SLC26A7: variants seen among roughly 807,000 people sequenced by gnomAD.
SLC26A7 encodes solute carrier family 26 member 7.
In SLC26A7, 59 loss-of-function variants were observed where a neutral mutation model predicts 82.5. The ratio of observed to expected loss-of-function variants is 0.72; its 90% CI spans 0.58 to 0.89. The LOEUF (loss-of-function observed/expected upper bound fraction) is 0.89, where lower values mean the gene tolerates loss of function less well. SLC26A7 is among the 40% of genes least tolerant of loss of function. The pLI is 0.00. For synonymous variants in SLC26A7, 271 were observed against 274.3 expected (o/e 0.99, Z 0.12); for missense variants, 820 against 793.0 (o/e 1.03, Z -0.41).
At chr8:91,273,837 C>T (rs540925239) in intron 2 of SLC26A7, among the ~76,000 whole-genome samples, 59 of 152,226 alleles carry the variant, frequency 3.9e-4, no homozygotes, top group African/African-American at 1.3e-3. Context: ...CATTAATTAT[C>T]CTATAAATTG....
chr8:91,305,626 T>C (rs1160688904), intron 4 of SLC26A7, among the ~76,000 whole-genome samples: 1 of 151,132 alleles, frequency 6.6e-6, no homozygotes, highest in Non-Finnish European at 1.5e-5. Flanking sequence ...CATCAGAGGC[T>C]AGTTTCTTCT....
At chr8:91,279,850 G>A (rs575732166) in intron 2 of SLC26A7, among the ~76,000 whole-genome samples, 5 of 152,266 alleles carry the variant, frequency 3.3e-5, no homozygotes, top group East Asian at 3.9e-4. Context: ...GAGCCACCGC[G>A]CCCAGCCGTG....
In SLC26A7 at chr8:91,311,275, A is replaced by G. The variant is rs186203541; in HGVS notation, c.478-6941A>G. ...AGCCTGTCTGAAAAGACTACATATT[A>G]TATGATTCCATTTAAATAACCTTCT... On this transcript the variant is annotated intron_variant, in intron 4 of 18. Coordinates refer to ENST00000276609, the MANE Select transcript of SLC26A7 (RefSeq NM_052832.4). Among the ~76,000 whole-genome samples, 518 of 152,292 alleles carry G rather than the reference A, an allele frequency of 3.4e-3. 2 individuals carry two copies. Among genetic ancestry groups the G allele is most frequent in the African/African-American group, 0.012 (507 of 41,568 alleles).
intron 11 of SLC26A7, 21 bp from the exon 12 acceptor site, chr8:91,362,332 T>C: frequency 6.3e-7 from 1 of 1,576,812 alleles, no homozygotes; most frequent in South Asian, 1.1e-5. Flanking sequence ...TCACAACTTC[T>C]GTTTCTTGTT....
intron 2 of SLC26A7, among the ~76,000 whole-genome samples, chr8:91,255,950 A>G (rs1810789692): frequency 6.6e-6 from 1 of 152,132 alleles, no homozygotes; most frequent in Non-Finnish European, 1.5e-5. Context: ...GCTATGAACC[A>G]TCCCTGCTCT....
intron 2 of SLC26A7, among the ~76,000 whole-genome samples, chr8:91,275,337 T>C (rs1197722255): frequency 6.6e-6 from 1 of 152,186 alleles, no homozygotes; most frequent in East Asian, 1.9e-4. Context: ...CTTGCTTTGT[T>C]GCCCAGGCTG....
chr8:91,236,443 C>G (rs1373993794), intron 2 of SLC26A7, among the ~76,000 whole-genome samples: 1 of 152,098 alleles, frequency 6.6e-6, no homozygotes. Context: ...ATACCCAATG[C>G]CCTCATGTTG....
At chr8:91,364,886 T>G (rs1814147830) in intron 13 of SLC26A7, among the ~76,000 whole-genome samples, 1 of 152,236 alleles carries the variant, frequency 6.6e-6, no homozygotes, top group Admixed American at 6.5e-5. Flanking sequence ...ATTTTAATTT[T>G]ACTATAATAT....
intron 4 of SLC26A7, among the ~76,000 whole-genome samples, chr8:91,310,915 CT>C (rs889030447): frequency 2.5e-4 from 38 of 150,104 alleles, no homozygotes; most frequent in Admixed American, 8.6e-4. Context: ...GTGCACTTTA[CT>C]TTTTTTTTTC....
Position 91,389,688 on chromosome 8 carries a change from C to T in SLC26A7, c.1776+250C>T, listed in dbSNP as rs527827281. ...ATTTGCATGGGGTAGTCAGAGAGAA[C>T]AGTACATAGACTTGAGATACAGTGG... On this transcript the variant is annotated intron_variant, in intron 16 of 18. Transcript: ENST00000276609. Among the ~76,000 whole-genome samples, 71 of 152,258 alleles carry T rather than the reference C, an allele frequency of 4.7e-4. 1 individual carries two copies. Among genetic ancestry groups the T allele is most frequent in the Admixed American group, 1.6e-3 (24 of 15,282 alleles).
chr8:91,380,257 T>C (rs1814632562), intron 15 of SLC26A7, among the ~76,000 whole-genome samples: 1 of 152,124 alleles, frequency 6.6e-6, no homozygotes, highest in Non-Finnish European at 1.5e-5. Flanking sequence ...GGCAGTGTTT[T>C]ATATTTTGAA....
chr8:91,286,128 A>C (rs1012165695), intron 2 of SLC26A7, among the ~76,000 whole-genome samples: 10 of 152,182 alleles, frequency 6.6e-5, no homozygotes, highest in Non-Finnish European at 1.5e-4. Flanking sequence ...TGAGCTACTT[A>C]CATGCTTTCA....
intron 2 of SLC26A7, among the ~76,000 whole-genome samples, chr8:91,256,293 A>C (rs1402506957): frequency 1.3e-5 from 2 of 152,108 alleles, no homozygotes; most frequent in African/African-American, 4.8e-5. Flanking sequence ...ATCTAGCCAT[A>C]GTTATTGGAC....
rs112995413 is a variant in SLC26A7 at position 91,331,080 on chromosome 8, T to C, written c.643-3215T>C. ...TACAAGGTGCATGTCTGTGTTCTAATCTCTTCTCAGTCATTTTGGATTAGG... is the reference window on the plus strand; with the variant it reads ...TACAAGGTGCATGTCTGTGTTCTAACCTCTTCTCAGTCATTTTGGATTAGG... On this transcript the variant is annotated intron_variant, in intron 5 of 18. Coordinates refer to ENST00000276609, the MANE Select transcript of SLC26A7 (RefSeq NM_052832.4). Among the ~76,000 whole-genome samples, 223 of 152,130 alleles carry C rather than the reference T, an allele frequency of 1.5e-3. 2 individuals are homozygous for C. The highest frequency in any genetic ancestry group is 5.3e-3 in the African/African-American group (220 of 41,528).
chr8:91,363,013 A>G lies in SLC26A7; in HGVS notation c.1422-459A>G, dbSNP rs187584542. Among the ~76,000 whole-genome samples, 449 of 152,200 alleles carry G rather than the reference A, an allele frequency of 3.0e-3. 7 individuals carry two copies. Among genetic ancestry groups the G allele is most frequent in the Admixed American group, 0.026 (403 of 15,272 alleles). ...GGAATAATGTTTCTATTTACTTCAC[A>G]TCCATCTTTCCCTTAAAGCTGTTTG... is the stretch of plus-strand genomic sequence containing the variant. On this transcript the variant is annotated intron_variant, in intron 12 of 18. Transcript: ENST00000276609.
rs113189479 is a variant in SLC26A7 at position 91,219,704 on chromosome 8, C to G, written c.-34+699C>G. Among the ~76,000 whole-genome samples the G allele has an allele frequency of 4.2e-3, 636 of 152,272 alleles. 2 individuals carry two copies. Among genetic ancestry groups the G allele is most frequent in the African/African-American group, 0.014 (598 of 41,558 alleles). On this transcript the variant is annotated intron_variant, in intron 2 of 5. Transcript: ENST00000522862. ...GTGTTCTACTCAGCACCATCCACAT[C>G]AGTTGAGAACGTGTTAGAAATACAA...
At chr8:91,265,444 T>C (rs934732844) in intron 2 of SLC26A7, among the ~76,000 whole-genome samples, 1 of 152,044 alleles carries the variant, frequency 6.6e-6, no homozygotes, top group African/African-American at 2.4e-5. Flanking sequence ...CTATTTTTAA[T>C]TTTCTGAGGA....
chr8:91,215,022 T>C (rs755587813), intron 1 of SLC26A7, among the ~76,000 whole-genome samples: 4 of 152,072 alleles, frequency 2.6e-5, no homozygotes, highest in Non-Finnish European at 4.4e-5. Flanking sequence ...GGCCTTCTCA[T>C]ATCACCTCAC....
chr8:91,316,988 TAAAAAAAAAAAAAA>T (rs61581659), intron 4 of SLC26A7, among the ~76,000 whole-genome samples: 3 of 15,502 alleles, frequency 1.9e-4, no homozygotes, highest in East Asian at 3.0e-3. Flanking sequence ...ACCCTGTCTC[TAAAAAAAAAAAAAA>T]AAAAAAAAAA....
Sources: allele counts gnomAD v4.1 joint callset (sites outside exome capture counted in the v4.1 genomes callset), GRCh38; gene constraint gnomAD v4.1.1; transcripts MANE v1.5; gene names NCBI Gene and HGNC (gene_info 2026-07-23, HGNC 2026-07-21).